The following FBXO40 variants were observed in gnomAD, a reference collection of about 807,000 sequenced individuals.
FBXO40 encodes F-box only protein 40.
In FBXO40, 50 loss-of-function variants were observed where a neutral mutation model predicts 49.9. That is an observed-to-expected ratio of 1.00 (90% confidence interval 0.80 to 1.27). FBXO40 has a LOEUF of 1.27. FBXO40 is among the 50% of genes most tolerant of loss of function. The pLI is 0.00. For synonymous variants in FBXO40, 340 were observed against 320.2 expected (o/e 1.06, Z -0.66); for missense variants, 895 against 870.1 (o/e 1.03, Z -0.36).
intron 1 of FBXO40, among the ~76,000 whole-genome samples, chr3:121,619,659 G>C (rs1460221429): frequency 6.6e-6 from 1 of 152,108 alleles, no homozygotes; most frequent in Non-Finnish European, 1.5e-5. Context: ...GTATATTTAG[G>C]TCATTTACTC....
chr3:121,605,357 T>C lies in FBXO40; in HGVS notation c.-31+11855T>C, dbSNP rs1052927752. ...AGATTGGTGCCACATATCCAATGAG[T>C]TCCTAAGGGATGCATATCAGTTGGG... On this transcript the variant is annotated intron_variant, in intron 1 of 3. Coordinates refer to ENST00000338040, the MANE Select transcript of FBXO40 (RefSeq NM_016298.4). Among the ~76,000 whole-genome samples, 13 of 152,286 alleles carry C rather than the reference T, an allele frequency of 8.5e-5. No homozygotes were observed. In the East Asian group the frequency reaches 2.3e-3, roughly 27 times the overall value.
At position 121,626,919 on chromosome 3, in the gene FBXO40, A is replaced by G; in HGVS notation, c.*9A>G. On this transcript the variant is annotated 3_prime_UTR_variant, in exon 4 of 4. Coordinates refer to ENST00000338040, the MANE Select transcript of FBXO40 (RefSeq NM_016298.4). Reference sequence around the variant, plus strand: ...GAAGATACGTCTCCTAAAAATTCAGATGCCACTCGATGCACCCTTCTTGGA... The same window carrying G: ...GAAGATACGTCTCCTAAAAATTCAGGTGCCACTCGATGCACCCTTCTTGGA... 6.2e-7 allele frequency: 1 copy of G among 1,611,410 alleles called. No individual in the cohort carries two copies. Among genetic ancestry groups the G allele is most frequent in the South Asian group, 1.1e-5 (1 of 91,004 alleles).
chr3:121,622,683 C>G lies in FBXO40; in HGVS notation c.1254C>G (p.Ser418Arg). The G allele has an allele frequency of 6.2e-7, 1 of 1,614,208 alleles. No homozygotes were observed. The highest frequency in any genetic ancestry group is 8.5e-7 in the Non-Finnish European group (1 of 1,180,046). ...LKGHVISESR[S>R]IDGLFMDFAT... The stretch of plus-strand genomic sequence containing the variant: ...GCCACGTCATCTCTGAATCCAGAAG[C>G]ATTGATGGACTGTTCATGGATTTTG... Residue 418 changes from serine to arginine, a missense_variant, in exon 3 of 4, where the codon AGC becomes AGG. Physicochemically the swap from Ser to Arg is moderately radical, Grantham distance 110. Coordinates refer to ENST00000338040, the MANE Select transcript of FBXO40 (RefSeq NM_016298.4).
chr3:121,613,136 A>T (rs2048976655), intron 1 of FBXO40, among the ~76,000 whole-genome samples: 1 of 151,994 alleles, frequency 6.6e-6, no homozygotes, highest in Admixed American at 6.6e-5. Flanking sequence ...CTAATAGGTT[A>T]AAATGCACCC....
chr3:121,622,137 G>T lies in FBXO40; in HGVS notation c.708G>T (p.Ala236=). The change falls in exon 3 of 4, where the codon GCG becomes GCT. Residue 236 remains alanine, a synonymous_variant. Coordinates refer to ENST00000338040, the MANE Select transcript of FBXO40 (RefSeq NM_016298.4). ...HAASALTNSS[A]SCESKNKNDS... ...CCTCTGCTTTAACAAATTCATCAGC[G>T]AGCTGTGAGAGCAAGAACAAGAATG... is the stretch of plus-strand genomic sequence containing the variant. The T allele has an allele frequency of 1.9e-6, 3 of 1,614,102 alleles. No individual in the cohort carries two copies. Among genetic ancestry groups the T allele is most frequent in the Non-Finnish European group, 2.5e-6 (3 of 1,180,030 alleles).
chr3:121,622,140 C>A lies in FBXO40; in HGVS notation c.711C>A (p.Ser237Arg). 6.2e-7 allele frequency: 1 copy of A among 1,614,104 alleles called. No individual in the cohort carries two copies. The highest frequency in any genetic ancestry group is 8.5e-7 in the Non-Finnish European group (1 of 1,180,034). The change falls in exon 3 of 4, where the codon AGC (serine) becomes AGA (arginine). Residue 237 changes from serine (S) to arginine (R), a missense_variant. Ser to Arg is a moderately radical substitution (Grantham distance 110). Transcript: ENST00000338040. ...CTGCTTTAACAAATTCATCAGCGAG[C>A]TGTGAGAGCAAGAACAAGAATGACT... ...AASALTNSSA[S>R]CESKNKNDSE...
chr3:121,604,848 G>A (rs2048922660), intron 1 of FBXO40, among the ~76,000 whole-genome samples: 1 of 152,178 alleles, frequency 6.6e-6, no homozygotes, highest in Admixed American at 6.5e-5. Flanking sequence ...TAATCTAACA[G>A]ATGGTAGGAA....
At position 121,604,586 on chromosome 3, in the gene FBXO40, G is replaced by T. The variant is rs150453311; in HGVS notation, c.-31+11084G>T. ...GTGGGATTAGAGATGGCTTTAATTT[G>T]TTGATGCATATCTGGAGGGCCAAAG... is the stretch of plus-strand genomic sequence containing the variant. On this transcript the variant is annotated intron_variant, in intron 1 of 3. Transcript: ENST00000338040. Among the ~76,000 whole-genome samples the T allele has an allele frequency of 6.4e-3, 981 of 152,234 alleles. 14 individuals carry two copies. Among genetic ancestry groups the T allele is most frequent in the African/African-American group, 0.022 (921 of 41,532 alleles).
intron 1 of FBXO40, among the ~76,000 whole-genome samples, chr3:121,594,393 G>A (rs2048859696): frequency 6.6e-6 from 1 of 151,686 alleles, no homozygotes; most frequent in African/African-American, 2.4e-5. Flanking sequence ...TAGAGATGGG[G>A]TTTCACCATG....
At chr3:121,607,300 C>CTTTTTTTTTTTTTTTTT (rs555162944) in intron 1 of FBXO40, among the ~76,000 whole-genome samples, 4 of 60,128 alleles carry the variant, frequency 6.7e-5, no homozygotes, top group Non-Finnish European at 8.5e-5. Flanking sequence ...CTCTAAAGCT[C>CTTTTTTTTTTTTTTTTT]TTTTTTTTTT....
chr3:121,623,211 C>T lies in FBXO40; in HGVS notation c.1782C>T (p.Ala594=), dbSNP rs372813938. 1 of 1,614,126 alleles carries T rather than the reference C, an allele frequency of 6.2e-7. No individual in the cohort carries two copies. ...IAGFLDSVSL[A]QLSQVSVLMR... ...GGTTCTTGGACAGCGTCAGCCTGGC[C>T]CAGCTCTCCCAGGTGTCTGTGCTGA... Residue 594 remains alanine (A), a synonymous_variant, in exon 3 of 4, where the codon GCC becomes GCT. Coordinates refer to ENST00000338040, the MANE Select transcript of FBXO40 (RefSeq NM_016298.4).
chr3:121,606,937 G>A (rs2048934964), intron 1 of FBXO40, among the ~76,000 whole-genome samples: 1 of 152,132 alleles, frequency 6.6e-6, no homozygotes, highest in Admixed American at 6.5e-5. Context: ...CAATCTTTCA[G>A]GTAATCCAAA....
At chr3:121,611,329 G>T (rs2048963943) in intron 1 of FBXO40, among the ~76,000 whole-genome samples, 1 of 152,176 alleles carries the variant, frequency 6.6e-6, no homozygotes, top group South Asian at 2.1e-4. Context: ...TGTAGTAGGA[G>T]GGCAAGGTGA....
At position 121,622,291 on chromosome 3, in the gene FBXO40, G is replaced by T. The variant is rs1165466453; in HGVS notation, c.862G>T (p.Ala288Ser). 1 of 1,614,222 alleles carries T rather than the reference G, an allele frequency of 6.2e-7. No individual in the cohort carries two copies. The highest frequency in any genetic ancestry group is 2.2e-5 in the East Asian group (1 of 44,886). ...VRTAMETTGLAPWQDGVLERL... is the reference protein window; with the variant it reads ...VRTAMETTGLSPWQDGVLERL... ...TACAGCCATGGAAACCACAGGGCTT[G>T]CCCCTTGGCAGGATGGTGTTCTGGA... The change falls in exon 3 of 4, where the codon GCC becomes TCC. Residue 288 changes from alanine to serine, a missense_variant. Physicochemically the swap from Ala to Ser is moderately conservative, Grantham distance 99 (BLOSUM62 1). Transcript: ENST00000338040.
chr3:121,595,768 C>T (rs1442352581), intron 1 of FBXO40, among the ~76,000 whole-genome samples: 4 of 152,188 alleles, frequency 2.6e-5, no homozygotes, highest in Admixed American at 6.5e-5. Flanking sequence ...TTAAATATTT[C>T]CATAGCAGGG....
At chr3:121,605,173 G>T (rs1164640583) in intron 1 of FBXO40, among the ~76,000 whole-genome samples, 1 of 152,048 alleles carries the variant, frequency 6.6e-6, no homozygotes, top group Non-Finnish European at 1.5e-5. Context: ...CTGACCTCAA[G>T]TGATTCATCC....
In FBXO40 at chr3:121,622,967, T is replaced by C. The variant is rs1317973704; in HGVS notation, c.1538T>C (p.Leu513Pro). 2 of 1,614,186 alleles carry C rather than the reference T, an allele frequency of 1.2e-6. No homozygotes were observed. The highest frequency in any genetic ancestry group is 1.7e-6 in the Non-Finnish European group (2 of 1,180,036). ...GGCTGGTTCCAGCATCGATGCCCCC[T>C]CGCCTACTTGGGATGTACATTTGTT... The part of the protein sequence containing the change: ...LNGWFQHRCP[L>P]AYLGCTFVQN... Residue 513 changes from leucine (L) to proline (P), a missense_variant, in exon 3 of 4, where the codon CTC becomes CCC. Transcript: ENST00000338040.
intron 3 of FBXO40, among the ~76,000 whole-genome samples, chr3:121,624,325 G>T (rs994461595): frequency 6.6e-6 from 1 of 152,108 alleles, no homozygotes; most frequent in Non-Finnish European, 1.5e-5. Flanking sequence ...AGGGTACTAG[G>T]CATGGGAACA....
At chr3:121,599,721 TA>T (rs1278014588) in intron 1 of FBXO40, among the ~76,000 whole-genome samples, 19 of 76,828 alleles carry the variant, frequency 2.5e-4, no homozygotes, top group African/African-American at 7.2e-4. Flanking sequence ...TATATATATA[TA>T]TATTTTTTTT....
Sources: allele counts gnomAD v4.1 joint callset (sites outside exome capture counted in the v4.1 genomes callset), GRCh38; gene constraint gnomAD v4.1.1; transcripts MANE v1.5; gene names NCBI Gene and HGNC (gene_info 2026-07-23, HGNC 2026-07-21).